The following PLPPR5 variants were observed in gnomAD, a reference collection of about 807,000 sequenced individuals.
PLPPR5 encodes phospholipid phosphatase related 5, also known as phospholipid phosphatase-related protein type 5.
PLPPR5 carries 16 observed loss-of-function variants against 33.9 expected under a neutral mutation model. The ratio of observed to expected loss-of-function variants is 0.47; its 90% confidence interval spans 0.32 to 0.72. The LOEUF (loss-of-function observed/expected upper bound fraction) is 0.72. Among genes scored for constraint, PLPPR5 ranks in the 30% least tolerant of loss-of-function variants. PLPPR5 has a pLI of 0.03. For missense variants in PLPPR5, 301 were observed against 406.7 expected (o/e 0.74, Z 2.23); for synonymous variants, 163 against 150.3 (o/e 1.08, Z -0.62).
chr1:98,985,958 TC>T (rs1652247001), intron 1 of PLPPR5, among the ~76,000 whole-genome samples: 1 of 152,038 alleles, frequency 6.6e-6, no homozygotes. Flanking sequence ...AGGTGGCATT[TC>T]CTGAATTCCT....
At chr1:98,906,749 A>AAT (rs1312176232) in intron 5 of PLPPR5, among the ~76,000 whole-genome samples, 1 of 152,156 alleles carries the variant, frequency 6.6e-6, no homozygotes, top group Non-Finnish European at 1.5e-5. Flanking sequence ...ATCTAATTCC[A>AAT]ATATATATAT....
At chr1:98,910,029 G>A (rs369345063) in intron 5 of PLPPR5, among the ~76,000 whole-genome samples, 37 of 152,198 alleles carry the variant, frequency 2.4e-4, no homozygotes, top group African/African-American at 7.5e-4. Flanking sequence ...TAAAAATAAC[G>A]AATACTTGTA....
At chr1:98,944,790 A>G (rs1426930525) in intron 3 of PLPPR5, among the ~76,000 whole-genome samples, 1 of 152,220 alleles carries the variant, frequency 6.6e-6, no homozygotes, top group East Asian at 1.9e-4. Flanking sequence ...TGGATCCAGC[A>G]GACATTCTAG....
At chr1:98,899,270 C>T (rs1448478441) in intron 5 of PLPPR5, among the ~76,000 whole-genome samples, 2 of 152,200 alleles carry the variant, frequency 1.3e-5, no homozygotes, top group African/African-American at 4.8e-5. Context: ...CCTGATATGA[C>T]TGATGTAGTA....
intron 4 of PLPPR5, among the ~76,000 whole-genome samples, chr1:98,915,783 T>C (rs1394645956): frequency 6.6e-6 from 1 of 152,124 alleles, no homozygotes; most frequent in Non-Finnish European, 1.5e-5. Context: ...AAATGAAGAA[T>C]GGGGCCTAGG....
At chr1:98,985,662 T>C (rs1329370154) in intron 1 of PLPPR5, among the ~76,000 whole-genome samples, 1 of 151,996 alleles carries the variant, frequency 6.6e-6, no homozygotes, top group Admixed American at 6.6e-5. Flanking sequence ...TATTATACCA[T>C]ATTTTTACTG....
Position 99,004,479 on chromosome 1 carries a change from G to C in PLPPR5, c.193C>G (p.Pro65Ala). Residue 65 changes from proline (P) to alanine (A), a missense_variant, in exon 1 of 6, where the codon CCC (proline) becomes GCC (alanine). Coordinates refer to ENST00000263177, the MANE Select transcript of PLPPR5 (RefSeq NM_001037317.2). ...PGPEDSSAVP[P>A]VLLYSLAAGV... ...GCGGCCAGCGAGTAGAGGAGCACGG[G>C]GGGCACGGCGCTGCTGTCCTCCGGG... 6.2e-7 allele frequency: 1 copy of C among 1,612,402 alleles called. No individual in the cohort carries two copies. The highest frequency in any genetic ancestry group is 2.2e-5 in the East Asian group (1 of 44,774).
At chr1:98,974,615 C>A (rs547268231) in intron 1 of PLPPR5, among the ~76,000 whole-genome samples, 1 of 152,158 alleles carries the variant, frequency 6.6e-6, no homozygotes, top group African/African-American at 2.4e-5. Flanking sequence ...TATTTCTTTT[C>A]CCTTGCTCCC....
At chr1:98,907,728 T>C (rs1648959965) in intron 5 of PLPPR5, among the ~76,000 whole-genome samples, 1 of 152,170 alleles carries the variant, frequency 6.6e-6, no homozygotes, top group Non-Finnish European at 1.5e-5. Context: ...GCAGAAGAGC[T>C]GGAGGATGTA....
In PLPPR5 at chr1:98,973,807, C is replaced by T. The variant is rs1160148530; in HGVS notation, c.238-17066G>A. On this transcript the variant is annotated intron_variant, in intron 1 of 5. Coordinates refer to ENST00000263177, the MANE Select transcript of PLPPR5 (RefSeq NM_001037317.2). ...ATACAGGGGCCTAATGGGACATTATCCTGGGACCATGATGTAAATGGTTTA... is the reference window on the plus strand; with the variant it reads ...ATACAGGGGCCTAATGGGACATTATTCTGGGACCATGATGTAAATGGTTTA... Among the ~76,000 whole-genome samples, 4 of 151,460 alleles carry T rather than the reference C, an allele frequency of 2.6e-5. No individual in the cohort carries two copies. In the East Asian group the frequency reaches 7.8e-4, roughly 30 times the overall value.
chr1:98,931,316 C>T (rs553682719), intron 3 of PLPPR5, among the ~76,000 whole-genome samples: 20 of 139,284 alleles, frequency 1.4e-4, no homozygotes, highest in Non-Finnish European at 2.5e-4. Flanking sequence ...TTCATGAATG[C>T]TTACTATGTG....
intron 3 of PLPPR5, among the ~76,000 whole-genome samples, chr1:98,924,290 G>C (rs981733989): frequency 6.6e-6 from 1 of 152,164 alleles, no homozygotes; most frequent in African/African-American, 2.4e-5. Flanking sequence ...ATTATGAAGA[G>C]TACACAATTT....
chr1:98,963,383 G>A (rs1457868052), intron 1 of PLPPR5, among the ~76,000 whole-genome samples: 1 of 152,194 alleles, frequency 6.6e-6, no homozygotes, highest in African/African-American at 2.4e-5. Context: ...GAGCCTCTCT[G>A]AGGTAAGGAT....
At chr1:98,996,919 T>C (rs1267807787) in intron 1 of PLPPR5, among the ~76,000 whole-genome samples, 1 of 152,126 alleles carries the variant, frequency 6.6e-6, no homozygotes, top group Non-Finnish European at 1.5e-5. Context: ...ATCAAATCAG[T>C]GGGCAACTGC....
chr1:98,953,550 T>C (rs983238709), intron 2 of PLPPR5, among the ~76,000 whole-genome samples: 1 of 152,098 alleles, frequency 6.6e-6, no homozygotes, highest in Non-Finnish European at 1.5e-5. Context: ...CTACTACTGG[T>C]TTTTGGGCAT....
intron 5 of PLPPR5, among the ~76,000 whole-genome samples, chr1:98,913,255 C>A (rs116473665): frequency 6.6e-6 from 1 of 152,112 alleles, no homozygotes; most frequent in Non-Finnish European, 1.5e-5. Context: ...GAGTACATCC[C>A]AAAAACATTA....
rs948463851 is a variant in PLPPR5, at chr1:98,995,443, G to T, written c.237+8992C>A. 2.0e-5 allele frequency among the ~76,000 whole-genome samples: 3 copies of T among 152,132 alleles called. No homozygotes were observed. In the South Asian group the frequency reaches 6.2e-4, roughly 32 times the overall value. ...ATTTACTTATAACAAACCTGCATAT[G>T]TACCTCCTGAACCTAGAATAAAAGT... On this transcript the variant is annotated intron_variant, in intron 1 of 5. Coordinates refer to ENST00000263177, the MANE Select transcript of PLPPR5 (RefSeq NM_001037317.2).
intron 1 of PLPPR5, among the ~76,000 whole-genome samples, chr1:98,972,769 T>A (rs1651703673): frequency 6.6e-6 from 1 of 152,030 alleles, no homozygotes; most frequent in Admixed American, 6.6e-5. Flanking sequence ...AAGTGATGAA[T>A]GATTTGTCAG....
At chr1:98,917,574 C>G (rs1048935122) in intron 4 of PLPPR5, among the ~76,000 whole-genome samples, 1 of 152,114 alleles carries the variant, frequency 6.6e-6, no homozygotes, top group African/African-American at 2.4e-5. Context: ...TTTCTGTTAC[C>G]TTTCACTTCC....
Sources: allele counts gnomAD v4.1 joint callset (sites outside exome capture counted in the v4.1 genomes callset), GRCh38; gene constraint gnomAD v4.1.1; transcripts MANE v1.5; gene names NCBI Gene and HGNC (gene_info 2026-07-23, HGNC 2026-07-21).